LIPC: variants seen among roughly 807,000 people sequenced by gnomAD.
The protein encoded by LIPC is hepatic triacylglycerol lipase.
In LIPC, 44 loss-of-function variants were observed where a neutral mutation model predicts 50.7. The observed-to-expected ratio is 0.87, with a 90% CI of 0.68 to 1.11. LIPC has a LOEUF of 1.11. LIPC is among the 50% of genes most tolerant of loss of function. LIPC has a pLI of 0.00. For synonymous variants in LIPC, 271 were observed against 256.4 expected, an observed-to-expected ratio of 1.06 and a Z score of -0.54; for missense variants, 697 against 648.2, an observed-to-expected ratio of 1.08 and a Z score of -0.82.
At position 58,562,813 on chromosome 15, in the gene LIPC, C is replaced by G. The variant is rs149859100; in HGVS notation, c.1170-692C>G. 4.1e-3 allele frequency among the ~76,000 whole-genome samples: 622 copies of G among 151,088 alleles called. 11 individuals carry two copies. The highest frequency in any genetic ancestry group is 0.015 in the African/African-American group (594 of 40,868). On this transcript the variant is annotated intron_variant, in intron 7 of 8. Transcript: ENST00000299022. The stretch of plus-strand genomic sequence containing the variant: ...GCCAAGCCACACAAGGGACCCCCCC[C>G]CAACCCCACCATCCATCTGCCTCGC...
At chr15:58,476,263 G>A (rs1015159973) in intron 1 of LIPC, among the ~76,000 whole-genome samples, 1 of 152,258 alleles carries the variant, frequency 6.6e-6, no homozygotes, top group Non-Finnish European at 1.5e-5. Context: ...AAGTCCAGTT[G>A]AGAAGAAAGC....
intron 1 of LIPC, among the ~76,000 whole-genome samples, chr15:58,469,102 T>TTG (rs56309142): frequency 0.3 from 41,983 of 140,244 alleles, 6,265 homozygotes; most frequent in South Asian, 0.34. Context: ...AGGGAACATT[T>TTG]TGTGTGTGTG....
intron 1 of LIPC, among the ~76,000 whole-genome samples, chr15:58,441,045 G>A (rs1893491022): frequency 6.6e-6 from 1 of 152,184 alleles, no homozygotes; most frequent in African/African-American, 2.4e-5. Flanking sequence ...CAGATGGATT[G>A]ATAGACTTAT....
chr15:58,524,095 A>C (rs1394687847), intron 1 of LIPC, among the ~76,000 whole-genome samples: 2 of 151,426 alleles, frequency 1.3e-5, no homozygotes, highest in African/African-American at 4.9e-5. Context: ...ATGGGTAACC[A>C]CTTATATTCA....
intron 6 of LIPC, among the ~76,000 whole-genome samples, chr15:58,551,679 A>G (rs1893766135): frequency 6.6e-6 from 1 of 152,198 alleles, no homozygotes; most frequent in Non-Finnish European, 1.5e-5. Context: ...CATTTTGATG[A>G]ATACATATTA....
intron 1 of LIPC, among the ~76,000 whole-genome samples, chr15:58,537,199 C>T (rs556899854): frequency 2.6e-5 from 4 of 152,308 alleles, no homozygotes; most frequent in South Asian, 4.1e-4. Flanking sequence ...CATGGAAACG[C>T]GCCACCTTGC....
At chr15:58,454,075 G>A (rs1311526666) in intron 1 of LIPC, among the ~76,000 whole-genome samples, 2 of 152,126 alleles carry the variant, frequency 1.3e-5, no homozygotes, top group Admixed American at 6.5e-5. Context: ...ACAAGCCCAA[G>A]GTCACACATG....
intron 1 of LIPC, among the ~76,000 whole-genome samples, chr15:58,507,258 G>C (rs1208385402): frequency 6.6e-6 from 1 of 151,742 alleles, no homozygotes; most frequent in Non-Finnish European, 1.5e-5. Flanking sequence ...CTAAGCAAAA[G>C]AGAAATATAC....
At chr15:58,541,585 C>T (rs939618436) in intron 2 of LIPC, among the ~76,000 whole-genome samples, 200 bp from the exon 3 acceptor site, 23 of 151,990 alleles carry the variant, frequency 1.5e-4, no homozygotes, top group African/African-American at 5.6e-4. Flanking sequence ...TTGGTGAAGG[C>T]CAGGAATGCT....
At chr15:58,534,761 T>C (rs1893060441) in intron 1 of LIPC, among the ~76,000 whole-genome samples, 1 of 152,240 alleles carries the variant, frequency 6.6e-6, no homozygotes, top group South Asian at 2.1e-4. Context: ...GTGGCCCATC[T>C]TCAGCAGCCT....
intron 1 of LIPC, among the ~76,000 whole-genome samples, chr15:58,511,684 C>G (rs1450847052): frequency 2.6e-5 from 4 of 152,066 alleles, no homozygotes; most frequent in Admixed American, 6.5e-5. Context: ...TCTAGTAATC[C>G]CATTTCCAGG....
At position 58,440,617 on chromosome 15, in the gene LIPC, T is replaced by G. The variant is rs61637250; in HGVS notation, c.88+8497T>G. On this transcript the variant is annotated intron_variant, in intron 1 of 8. Transcript: ENST00000299022. ...GGTCTCTAGCCCCTTATGGGGTGTG[T>G]GTGGGGGCAGGGAGGTTGGAGATTG... 2.2e-4 allele frequency among the ~76,000 whole-genome samples: 34 copies of G among 152,256 alleles called. No homozygotes were observed. The East Asian group carries it at 6.0e-3, about 27-fold the overall frequency.
intron 1 of LIPC, among the ~76,000 whole-genome samples, chr15:58,514,974 T>C (rs1477301670): frequency 6.6e-6 from 1 of 152,242 alleles, no homozygotes; most frequent in East Asian, 1.9e-4. Context: ...ACTGTGTTTC[T>C]TCTGGAGACT....
chr15:58,555,797 T>A (rs1161686245), intron 6 of LIPC, among the ~76,000 whole-genome samples: 7 of 152,060 alleles, frequency 4.6e-5, no homozygotes, highest in African/African-American at 1.7e-4. Flanking sequence ...ACCAGAGCCA[T>A]GGAGGAGGGG....
At chr15:58,442,002 G>A (rs1303106950) in intron 1 of LIPC, among the ~76,000 whole-genome samples, 1 of 152,166 alleles carries the variant, frequency 6.6e-6, no homozygotes, top group African/African-American at 2.4e-5. Flanking sequence ...CGGCAGAGCT[G>A]GTTTTTGTTG....
intron 1 of LIPC, among the ~76,000 whole-genome samples, chr15:58,529,540 T>C (rs2140888605): frequency 6.6e-6 from 1 of 152,348 alleles, no homozygotes; most frequent in South Asian, 2.1e-4. Flanking sequence ...TCTTCCGTGA[T>C]TCAAGACCCA....
chr15:58,561,525 T>A (rs1869131), intron 7 of LIPC, among the ~76,000 whole-genome samples: 144,034 of 152,212 alleles, frequency 0.95, 68,380 homozygotes, highest in Middle Eastern at 0.99. Flanking sequence ...TGTAAATGTT[T>A]CTTATCAGAC....
At chr15:58,502,410 T>A (rs1892013307) in intron 1 of LIPC, among the ~76,000 whole-genome samples, 1 of 152,274 alleles carries the variant, frequency 6.6e-6, no homozygotes, top group Admixed American at 6.5e-5. Flanking sequence ...TGCTAGGTAG[T>A]ATTCCTTCAA....
At chr15:58,543,301 G>A (rs1179356864) in intron 4 of LIPC, among the ~76,000 whole-genome samples, 2 of 151,778 alleles carry the variant, frequency 1.3e-5, no homozygotes, top group Non-Finnish European at 2.9e-5. Flanking sequence ...CAAGTCTGAG[G>A]CCCACTGATA....
Sources: allele counts gnomAD v4.1 joint callset (sites outside exome capture counted in the v4.1 genomes callset), GRCh38; gene constraint gnomAD v4.1.1; transcripts MANE v1.5; gene names NCBI Gene and HGNC (gene_info 2026-07-23, HGNC 2026-07-21).